The following SAMD4A variants were observed in gnomAD, a reference collection of about 807,000 sequenced individuals.
SAMD4A encodes the protein sterile alpha motif domain containing 4A, also known as protein Smaug homolog 1.
A neutral mutation model predicts 81.3 loss-of-function variants in SAMD4A; 33 were observed. The ratio of observed to expected loss-of-function variants is 0.41; its 90% CI spans 0.31 to 0.54. SAMD4A has a LOEUF of 0.54. Among genes scored for constraint, SAMD4A ranks in the 20% least tolerant of loss-of-function variants. The pLI, the probability that SAMD4A is intolerant of heterozygous loss-of-function variation, is 0.37. For missense variants in SAMD4A, 854 were observed against 951.1 expected, an observed-to-expected ratio of 0.90 and a Z score of 1.34; for synonymous variants, 389 against 382.1, an observed-to-expected ratio of 1.02 and a Z score of -0.21.
At chr14:54,772,203 C>G (rs2038724606) in intron 9 of SAMD4A, among the ~76,000 whole-genome samples, 1 of 152,166 alleles carries the variant, frequency 6.6e-6, no homozygotes. Context: ...ATTAATGTTA[C>G]TTTATCAAAG....
intron 2 of SAMD4A, among the ~76,000 whole-genome samples, chr14:54,653,996 A>G (rs11621675): frequency 3.3e-3 from 505 of 152,330 alleles, no homozygotes; most frequent in Non-Finnish European, 5.7e-3. Context: ...AGAGCAACTG[A>G]GTCTTCAGTG....
intron 9 of SAMD4A, among the ~76,000 whole-genome samples, chr14:54,770,731 C>T (rs1318276656): frequency 6.6e-6 from 1 of 152,288 alleles, no homozygotes; most frequent in East Asian, 1.9e-4. Flanking sequence ...TTGATTTTTC[C>T]ATAGTACTTC....
At chr14:54,784,340 G>A in intron 11 of SAMD4A, 197 bp from the exon 12 acceptor site, 1 of 1,553,154 alleles carries the variant, frequency 6.4e-7, no homozygotes, top group Non-Finnish European at 8.7e-7. Context: ...TTTGTTCCAG[G>A]TTCCCAAGTT....
At chr14:54,630,944 G>A (rs1002855863) in intron 2 of SAMD4A, among the ~76,000 whole-genome samples, 1 of 150,844 alleles carries the variant, frequency 6.6e-6, no homozygotes. Flanking sequence ...GTGTGTGTGT[G>A]TGTGTGTGTG....
At chr14:54,774,248 A>G (rs957034449) in intron 9 of SAMD4A, among the ~76,000 whole-genome samples, 5 of 152,166 alleles carry the variant, frequency 3.3e-5, no homozygotes, top group African/African-American at 1.2e-4. Flanking sequence ...TTCTCCAGCT[A>G]CAAAGGAGAG....
rs1185054809 is a variant in SAMD4A, at chr14:54,737,019, T to C, written c.716-5T>C. ...TAACCTATTTCATTTTATTTTTTTT[T>C]CCAGTTCTCTCAGGCCAGGCACACC... On this transcript the variant is annotated splice_polypyrimidine_tract_variant and splice_region_variant and intron_variant, in intron 3 of 12. Coordinates refer to ENST00000554335, the MANE Select transcript of SAMD4A (RefSeq NM_015589.6). 2 of 1,612,808 alleles carry C rather than the reference T, an allele frequency of 1.2e-6. No individual in the cohort carries two copies. The highest frequency in any genetic ancestry group is 1.7e-6 in the Non-Finnish European group (2 of 1,179,898).
intron 12 of SAMD4A, among the ~76,000 whole-genome samples, chr14:54,787,250 T>C (rs968381112): frequency 9.2e-5 from 14 of 152,220 alleles, no homozygotes; most frequent in African/African-American, 2.9e-4. Flanking sequence ...TCAGGGACCA[T>C]TGCTTCCTTT....
intron 3 of SAMD4A, among the ~76,000 whole-genome samples, chr14:54,720,755 A>T (rs1004827180): frequency 1.3e-5 from 2 of 152,122 alleles, no homozygotes; most frequent in Admixed American, 1.3e-4. Context: ...CAGGTTGTCT[A>T]TGAATGGCTT....
Position 54,706,617 on chromosome 14 carries a change from GAAA to G in SAMD4A, c.715+4038_715+4040del, listed in dbSNP as rs780394618. 4.8e-3 allele frequency among the ~76,000 whole-genome samples: 165 copies of G among 34,624 alleles called. 4 individuals carry two copies. Among genetic ancestry groups the G allele is most frequent in the Middle Eastern group, 0.048 (4 of 84 alleles). 22.7% of individuals were successfully genotyped at this position (34,624 alleles called of 152,430 possible). A position where few individuals can be genotyped will look rare whatever the true frequency, so the allele number is the denominator to read the frequency against. ...AAGACTCTGTCTCAAAAAAAAAAAA[GAAA>G]GAAAGAAAGAAAAAAACCAGGAAAG... On this transcript the variant is annotated intron_variant, in intron 3 of 12. Transcript: ENST00000554335.
chr14:54,675,865 C>T (rs1314156136), intron 2 of SAMD4A, among the ~76,000 whole-genome samples: 2 of 152,188 alleles, frequency 1.3e-5, no homozygotes, highest in East Asian at 1.9e-4. Flanking sequence ...GAAGATCTCA[C>T]GGTAGAGAGT....
intron 2 of SAMD4A, among the ~76,000 whole-genome samples, chr14:54,650,099 T>G (rs553844882): frequency 9.2e-5 from 14 of 152,236 alleles, no homozygotes; most frequent in Non-Finnish European, 1.8e-4. Context: ...ACTTACCTCC[T>G]CTAATTCACT....
At chr14:54,669,819 A>C (rs1042731164) in intron 2 of SAMD4A, among the ~76,000 whole-genome samples, 1 of 152,214 alleles carries the variant, frequency 6.6e-6, no homozygotes, top group Non-Finnish European at 1.5e-5. Flanking sequence ...CGTTGCCAGC[A>C]TGCAGGGAAC....
chr14:54,711,550 G>A (rs984113134), intron 3 of SAMD4A, among the ~76,000 whole-genome samples: 8 of 152,098 alleles, frequency 5.3e-5, no homozygotes, highest in African/African-American at 9.7e-5. Context: ...TACATGAGAC[G>A]TCTCTGGGTA....
At chr14:54,609,903 C>T (rs1366367643) in intron 2 of SAMD4A, among the ~76,000 whole-genome samples, 1 of 152,154 alleles carries the variant, frequency 6.6e-6, no homozygotes, top group African/African-American at 2.4e-5. Flanking sequence ...GGTTTCTTTT[C>T]ACAATGAGGC....
intron 2 of SAMD4A, among the ~76,000 whole-genome samples, chr14:54,621,146 C>T (rs956197580): frequency 2.0e-5 from 3 of 152,064 alleles, no homozygotes; most frequent in Non-Finnish European, 2.9e-5. Flanking sequence ...ACCTTTAAGG[C>T]GAAGGTTTTG....
At chr14:54,694,616 C>T (rs2036532998) in intron 2 of SAMD4A, 1 of 985,560 alleles carries the variant, frequency 1.0e-6, no homozygotes, top group Non-Finnish European at 1.2e-6. Flanking sequence ...GAGTTGTCTG[C>T]ATACTCATGG....
At chr14:54,648,931 CA>C (rs2035345586) in intron 2 of SAMD4A, among the ~76,000 whole-genome samples, 1 of 152,072 alleles carries the variant, frequency 6.6e-6, no homozygotes, top group Admixed American at 6.6e-5. Flanking sequence ...ATAGCAGTGG[CA>C]GCTGTGGAGA....
intron 11 of SAMD4A, among the ~76,000 whole-genome samples, chr14:54,778,380 G>T (rs1033116675): frequency 1.4e-4 from 21 of 152,342 alleles, no homozygotes; most frequent in African/African-American, 4.8e-4. Context: ...CCAAGTGGCT[G>T]GCTTGTGCTC....
chr14:54,628,005 A>G (rs1053404166), intron 2 of SAMD4A, among the ~76,000 whole-genome samples: 1 of 151,374 alleles, frequency 6.6e-6, no homozygotes. Context: ...TTATTTTAGC[A>G]TATCAAGATT....
Sources: gnomAD v4.1 joint callset for allele counts (sites outside exome capture counted in the v4.1 genomes callset) on GRCh38, gnomAD v4.1.1 for gene constraint, MANE v1.5 for transcripts, NCBI Gene and HGNC (gene_info 2026-07-23, HGNC 2026-07-21) for gene names.